The following EP300 variants were observed in gnomAD, a reference collection of about 807,000 sequenced individuals.
The protein encoded by EP300 is histone acetyltransferase p300.
EP300 carries 31 observed loss-of-function variants against 264.0 expected under a neutral mutation model. The observed-to-expected ratio is 0.12, with a 90% confidence interval of 0.09 to 0.16. The LOEUF (loss-of-function observed/expected upper bound fraction) is 0.16. Ranked by LOEUF, EP300 falls within the 10% of genes least tolerant of loss-of-function variation. The pLI is 1.00. For missense variants in EP300, 2,766 were observed against 3,052.9 expected, an observed-to-expected ratio of 0.91 and a Z score of 2.21; for synonymous variants, 1,340 against 1,045.4, an observed-to-expected ratio of 1.28 and a Z score of -5.44.
intron 21 of EP300, 90 bp from the exon 22 acceptor site, chr22:41,163,961 TGG>T: frequency 8.8e-7 from 1 of 1,141,240 alleles, no homozygotes; most frequent in East Asian, 2.3e-5. Context: ...GTCATGACCT[TGG>T]CTGTCTTTGT....
chr22:41,166,517 G>T lies in EP300; in HGVS notation c.3807-82G>T, dbSNP rs545707680. 3.6e-5 allele frequency: 40 copies of T among 1,099,656 alleles called. No homozygotes were observed. In the South Asian group the frequency reaches 4.7e-4, roughly 13 times the overall value. 68.1% of individuals were successfully genotyped at this position (1,099,656 alleles called of 1,614,324 possible). ...AATTTAGAAATACTTCTGCTAGATT[G>T]TCTTTTGAATTTTAACTTTTTGTTA... On this transcript the variant is annotated intron_variant, in intron 22 of 30. Transcript: ENST00000263253.
At chr22:41,167,779 G>A (rs2059146877) in intron 23 of EP300, among the ~76,000 whole-genome samples, 1 of 123,262 alleles carries the variant, frequency 8.1e-6, no homozygotes, top group Non-Finnish European at 1.7e-5. Context: ...TGTGAGCCTT[G>A]TCTCCTGGCC....
intron 25 of EP300, 30 bp from the exon 26 acceptor site, chr22:41,169,473 T>G: frequency 6.8e-7 from 1 of 1,466,826 alleles, no homozygotes; most frequent in African/African-American, 1.4e-5. Context: ...GACTTTTTTT[T>G]TCCTCTTCAT....
At chr22:41,110,339 G>A (rs1437711662) in intron 1 of EP300, among the ~76,000 whole-genome samples, 2 of 101,034 alleles carry the variant, frequency 2.0e-5, no homozygotes, top group Non-Finnish European at 1.8e-5. Flanking sequence ...GTCTCACTCT[G>A]TTGCCCAAGC....
intron 19 of EP300, 21 bp from the exon 20 acceptor site, chr22:41,160,621 G>A (rs143124671): frequency 6.2e-7 from 1 of 1,613,060 alleles, no homozygotes; most frequent in Non-Finnish European, 8.5e-7. Context: ...GTTCACCCCA[G>A]TATGGCCTTC....
chr22:41,136,992 A>G (rs2058954613), intron 7 of EP300, among the ~76,000 whole-genome samples: 1 of 151,916 alleles, frequency 6.6e-6, no homozygotes, highest in African/African-American at 2.4e-5. Context: ...CCCCGGAGGC[A>G]GAGGTTGCAG....
chr22:41,146,702 A>G, intron 10 of EP300, 37 bp from the exon 11 acceptor site: 1 of 1,589,442 alleles, frequency 6.3e-7, no homozygotes, highest in East Asian at 2.2e-5. Flanking sequence ...TTAAGGGAAG[A>G]TGGTGCAAAG....
Position 41,149,270 on chromosome 22 carries a change from TGA to T in EP300, c.2379+96_2379+97del, listed in dbSNP as rs1225780914. On this transcript the variant is annotated intron_variant, in intron 13 of 30. Coordinates refer to ENST00000263253, the MANE Select transcript of EP300 (RefSeq NM_001429.4). ...GGAGAGAGTGGCAGCAAATAGTGGG[TGA>T]AAACAGATGATTTTTTAAAAAATAA... 3.1e-5 allele frequency: 43 copies of T among 1,400,176 alleles called. No homozygotes were observed. The African/African-American group carries it at 4.7e-4, about 15-fold the overall frequency. 86.7% of individuals were successfully genotyped at this position (1,400,176 alleles called of 1,614,324 possible).
At chr22:41,109,620 A>G (rs1353830812) in intron 1 of EP300, among the ~76,000 whole-genome samples, 1 of 152,194 alleles carries the variant, frequency 6.6e-6, no homozygotes. Flanking sequence ...ACTGTTCTAA[A>G]CACTTTACAT....
intron 6 of EP300, among the ~76,000 whole-genome samples, chr22:41,133,772 A>G (rs1202469890): frequency 6.6e-6 from 1 of 151,720 alleles, no homozygotes; most frequent in African/African-American, 2.4e-5. Flanking sequence ...GTTTTTCTTT[A>G]CTATATAATA....
intron 16 of EP300, 68 bp from the exon 17 acceptor site, chr22:41,154,927 C>A (rs2059068114): frequency 9.4e-7 from 1 of 1,060,490 alleles, no homozygotes; most frequent in South Asian, 1.3e-5. Flanking sequence ...GAGCTTCAGG[C>A]TGAATGATTT....
chr22:41,127,216 C>A (rs1294495233), intron 3 of EP300, among the ~76,000 whole-genome samples: 11 of 152,278 alleles, frequency 7.2e-5, no homozygotes, highest in African/African-American at 2.6e-4. Context: ...ACCCTTCCCT[C>A]TCCCGCTGGA....
At chr22:41,105,479 G>T (rs923902632) in intron 1 of EP300, among the ~76,000 whole-genome samples, 1 of 151,574 alleles carries the variant, frequency 6.6e-6, no homozygotes, top group Non-Finnish European at 1.5e-5. Flanking sequence ...ACTCACTGCA[G>T]CCTCCGCCTC....
intron 1 of EP300, 140 bp downstream of exon 1, chr22:41,093,238 G>A: frequency 1.2e-6 from 1 of 847,816 alleles, no homozygotes; most frequent in Non-Finnish European, 1.9e-6. Context: ...TGAATGAGCT[G>A]GTCGAAGACG....
rs992638094 is a variant in EP300 at position 41,146,807 on chromosome 22, C to G, written c.2122C>G (p.Pro708Ala). 6 of 1,614,002 alleles carry G rather than the reference C, an allele frequency of 3.7e-6. No homozygotes were observed. The highest frequency in any genetic ancestry group is 5.1e-6 in the Non-Finnish European group (6 of 1,179,958). ...AAACCAGATGATGCCTCGAATAACT[C>G]CACAATCTGGTAAATAGTGAAAAAA... is the stretch of plus-strand genomic sequence containing the variant. ...VPNQMMPRIT[P>A]QSGLNQFGQM... is the part of the protein sequence containing the mutation. Residue 708 changes from proline to alanine, a missense_variant, in exon 11 of 31, where the codon CCA becomes GCA. Coordinates refer to ENST00000263253, the MANE Select transcript of EP300 (RefSeq NM_001429.4).
chr22:41,113,343 T>G (rs1472173157), intron 1 of EP300, among the ~76,000 whole-genome samples: 1 of 152,176 alleles, frequency 6.6e-6, no homozygotes. Context: ...TTAACCTTCT[T>G]GAAGTTCGTC....
At position 41,117,306 on chromosome 22, in the gene EP300, C is replaced by A. The variant is rs539635560; in HGVS notation, c.214C>A (p.Gln72Lys). The A allele has an allele frequency of 3.9e-5, 63 of 1,614,042 alleles. No homozygotes were observed. The highest frequency in any genetic ancestry group is 5.2e-5 in the Non-Finnish European group (61 of 1,180,044). Residue 72 changes from glutamine to lysine, a missense_variant, in exon 2 of 31, where the codon CAA (glutamine) becomes AAA (lysine). Transcript: ENST00000263253. ...NQLQTSLGMV[Q>K]DAASKHKQLS... ...GCTTCAGACAAGTCTTGGCATGGTA[C>A]AAGATGCAGCTTCTAAACATAAACA...
intron 1 of EP300, among the ~76,000 whole-genome samples, chr22:41,103,110 A>T (rs1004533190): frequency 6.6e-6 from 1 of 152,126 alleles, no homozygotes; most frequent in Non-Finnish European, 1.5e-5. Context: ...TGGCCTCCCA[A>T]AAGTGCTGGG....
At chr22:41,168,984 T>C (rs2059155395) in intron 25 of EP300, 117 bp downstream of exon 25, 6 of 1,410,960 alleles carry the variant, frequency 4.3e-6, no homozygotes, top group Non-Finnish European at 6.0e-6. Context: ...AAATGCAAAA[T>C]CTCAAGTGTC....
Sources: gnomAD v4.1 joint callset for allele counts (sites outside exome capture counted in the v4.1 genomes callset) on GRCh38, gnomAD v4.1.1 for gene constraint, MANE v1.5 for transcripts, NCBI Gene and HGNC (gene_info 2026-07-23, HGNC 2026-07-21) for gene names.